G3BP2: variants seen among roughly 807,000 people sequenced by gnomAD.
The protein encoded by G3BP2 is G3BP stress granule assembly factor 2.
In G3BP2, 11 loss-of-function variants were observed where a neutral mutation model predicts 56.7. That is an observed-to-expected ratio of 0.19 (90% confidence interval 0.12 to 0.32). The LOEUF is 0.32. Among genes scored for constraint, G3BP2 ranks in the 10% least tolerant of loss-of-function variants. The pLI is 1.00. For missense variants in G3BP2, 340 were observed against 610.9 expected (o/e 0.56, Z 4.67); for synonymous variants, 165 against 191.6 (o/e 0.86, Z 1.15).
chr4:75,662,557 G>C (rs968213540), intron 1 of G3BP2: 7 of 152,140 alleles, frequency 4.6e-5, no homozygotes, highest in African/African-American at 1.7e-4. Flanking sequence ...ATACAAATGG[G>C]AACAAAATTA....
intron 1 of G3BP2, among the ~76,000 whole-genome samples, chr4:75,671,974 C>A (rs1733520688): frequency 6.6e-6 from 1 of 152,190 alleles, no homozygotes; most frequent in Non-Finnish European, 1.5e-5. Flanking sequence ...CTCTAGTACA[C>A]CGGGGCTCTC....
chr4:75,685,317 A>T (rs1224521588), intron 3 of G3BP2, among the ~76,000 whole-genome samples: 2 of 152,014 alleles, frequency 1.3e-5, no homozygotes, highest in Non-Finnish European at 2.9e-5. Flanking sequence ...CCTGGCCAAC[A>T]TGGTGAAACC....
At chr4:75,685,125 T>C (rs183005550) in intron 3 of G3BP2, among the ~76,000 whole-genome samples, 1 of 152,088 alleles carries the variant, frequency 6.6e-6, no homozygotes, top group African/African-American at 2.4e-5. Context: ...TACATTTCTT[T>C]GCAACTTCCT....
At chr4:75,691,893 T>G (rs938921463) in intron 3 of G3BP2, among the ~76,000 whole-genome samples, 4 of 152,106 alleles carry the variant, frequency 2.6e-5, no homozygotes, top group Non-Finnish European at 4.4e-5. Context: ...CGCATACTCC[T>G]CAGGTGATTC....
chr4:75,681,343 A>AATAT (rs1211046777), intron 3 of G3BP2, among the ~76,000 whole-genome samples: 5 of 151,760 alleles, frequency 3.3e-5, no homozygotes, highest in African/African-American at 9.7e-5. Context: ...TAAATAAATA[A>AATAT]ATATAGTCAA....
upstream of G3BP2, among the ~76,000 whole-genome samples, chr4:75,675,561 G>A (rs1019706597): frequency 6.6e-6 from 1 of 152,132 alleles, no homozygotes; most frequent in Admixed American, 6.5e-5. Flanking sequence ...GGAAGGCCGA[G>A]GGGGGCGGAT....
intron 3 of G3BP2, among the ~76,000 whole-genome samples, chr4:75,703,261 A>C (rs1157151552): frequency 6.6e-6 from 1 of 151,968 alleles, no homozygotes; most frequent in Non-Finnish European, 1.5e-5. Context: ...TCAGATAGCA[A>C]AAGCAGATTT....
intron 1 of G3BP2, among the ~76,000 whole-genome samples, chr4:75,668,232 A>G (rs1477767031): frequency 6.6e-6 from 1 of 152,244 alleles, no homozygotes; most frequent in Non-Finnish European, 1.5e-5. Context: ...TCATTATCCT[A>G]CAATGAACTT....
intron 3 of G3BP2, among the ~76,000 whole-genome samples, chr4:75,702,191 T>TTC (rs386400517): frequency 6.6e-5 from 10 of 150,952 alleles, no homozygotes; most frequent in Admixed American, 6.6e-4. Flanking sequence ...TTTTTTTTTT[T>TTC]TTGAGACAGG....
At chr4:75,717,506 T>C (rs1204850897) in intron 3 of G3BP2, among the ~76,000 whole-genome samples, 1 of 152,114 alleles carries the variant, frequency 6.6e-6, no homozygotes, top group Non-Finnish European at 1.5e-5. Flanking sequence ...CTGCCACAAA[T>C]ACTTGCTTGG....
chr4:75,675,754 TGCACTCCA>T (rs1251011131), upstream of G3BP2, among the ~76,000 whole-genome samples: 3 of 152,168 alleles, frequency 2.0e-5, no homozygotes, highest in African/African-American at 7.2e-5. Context: ...ATCGCGCTAT[TGCACTCCA>T]GCCTGGGTGA....
intron 3 of G3BP2, among the ~76,000 whole-genome samples, chr4:75,711,528 C>T (rs922077457): frequency 2.0e-5 from 3 of 151,614 alleles, no homozygotes; most frequent in East Asian, 3.9e-4. Context: ...GCCTGGCCAA[C>T]GTGGTGAAAT....
chr4:75,673,333 A>G lies in G3BP2; in HGVS notation c.-150T>C. 4.9e-6 allele frequency: 6 copies of G among 1,229,712 alleles called. No individual in the cohort carries two copies. Among genetic ancestry groups the G allele is most frequent in the Non-Finnish European group, 6.1e-6 (6 of 986,646 alleles). The allele number at this position is 1,229,712 out of a possible 1,614,324, so 76.2% of individuals were successfully genotyped here. On this transcript the variant is annotated 5_prime_UTR_variant, in exon 1 of 12. Transcript: ENST00000359707. ...ACAACTCGGAAGCCTCGGAAGCCGG[A>G]GAGCCGCGAGTTCGTCTGCCTCACA...
upstream of G3BP2, chr4:75,673,682 C>A: frequency 3.4e-6 from 4 of 1,172,188 alleles, no homozygotes; most frequent in Non-Finnish European, 4.3e-6. Flanking sequence ...CCCGAGGCTC[C>A]AGCCTTGCCG....
At chr4:75,673,553 G>C (rs2149051716), upstream of G3BP2, 2 of 1,232,030 alleles carry the variant, frequency 1.6e-6, no homozygotes, top group South Asian at 8.2e-5. Flanking sequence ...CGGAGCACGC[G>C]CAGTACGCTG....
At chr4:75,677,367 T>C (rs1161098778), upstream of G3BP2, among the ~76,000 whole-genome samples, 1 of 151,878 alleles carries the variant, frequency 6.6e-6, no homozygotes, top group Non-Finnish European at 1.5e-5. Flanking sequence ...GGTCAGGAGT[T>C]CGAGACCAGC....
intron 3 of G3BP2, among the ~76,000 whole-genome samples, chr4:75,719,775 G>C (rs1383414381): frequency 1.3e-5 from 2 of 151,794 alleles, no homozygotes; most frequent in African/African-American, 2.4e-5. Flanking sequence ...TTTTAGTAGA[G>C]ACGGGATTTC....
At chr4:75,719,347 CAAAAAAA>C (rs55689229) in intron 3 of G3BP2, among the ~76,000 whole-genome samples, 3 of 86,982 alleles carry the variant, frequency 3.4e-5, no homozygotes, top group African/African-American at 4.6e-5. Flanking sequence ...GACTCCGTCT[CAAAAAAA>C]AAAAAAAAAA....
intron 5 of G3BP2, among the ~76,000 whole-genome samples, chr4:75,656,295 A>C (rs1042610480): frequency 6.7e-6 from 1 of 148,530 alleles, no homozygotes; most frequent in Non-Finnish European, 1.5e-5. Flanking sequence ...CTCGGCTCCA[A>C]TTTTTTTTTT....
Sources: gnomAD v4.1 joint callset for allele counts (sites outside exome capture counted in the v4.1 genomes callset) on GRCh38, gnomAD v4.1.1 for gene constraint, MANE v1.5 for transcripts, NCBI Gene and HGNC (gene_info 2026-07-23, HGNC 2026-07-21) for gene names.